The following AGBL4 variants were observed in gnomAD, a reference collection of about 807,000 sequenced individuals.
AGBL4 encodes AGBL carboxypeptidase 4.
In AGBL4, 58 loss-of-function variants were observed where a neutral mutation model predicts 66.4. The ratio of observed to expected loss-of-function variants is 0.87; its 90% CI spans 0.71 to 1.09. The LOEUF (loss-of-function observed/expected upper bound fraction) is 1.09, where lower values mean the gene tolerates loss of function less well. Ranked by LOEUF, AGBL4 falls within the 50% of genes least tolerant of loss-of-function variation. The pLI is 0.00. For synonymous variants in AGBL4, 234 were observed against 222.9 expected (o/e 1.05, Z -0.44); for missense variants, 579 against 631.0 (o/e 0.92, Z 0.88).
intron 3 of AGBL4, among the ~76,000 whole-genome samples, chr1:49,687,849 A>C (rs555603501): frequency 6.6e-6 from 1 of 152,304 alleles, no homozygotes; most frequent in South Asian, 2.1e-4. Flanking sequence ...TTGAAATAAT[A>C]AAGTACATAC....
intron 1 of AGBL4, among the ~76,000 whole-genome samples, chr1:49,906,251 A>G (rs1650263336): frequency 6.6e-6 from 1 of 151,968 alleles, no homozygotes; most frequent in South Asian, 2.1e-4. Flanking sequence ...CAGTTATTGT[A>G]CTTAAAAACA....
intron 6 of AGBL4, among the ~76,000 whole-genome samples, chr1:48,691,137 G>GAAAAAA (rs1646623594): frequency 8.1e-6 from 1 of 123,364 alleles, no homozygotes. Flanking sequence ...CAGCCTGGGC[G>GAAAAAA]ACAGAGTGAG....
At chr1:49,883,109 C>G (rs1647592451) in intron 1 of AGBL4, among the ~76,000 whole-genome samples, 1 of 152,020 alleles carries the variant, frequency 6.6e-6, no homozygotes, top group Non-Finnish European at 1.5e-5. Flanking sequence ...TAATTTTATC[C>G]AAAAATATCA....
In AGBL4 at chr1:48,996,131, C is replaced by T. The variant is rs148516492; in HGVS notation, c.594+49453G>A. 7.9e-5 allele frequency among the ~76,000 whole-genome samples: 12 copies of T among 152,186 alleles called. No individual in the cohort carries two copies. In the East Asian group the frequency reaches 2.3e-3, roughly 29 times the overall value. ...TAATGATAGCCCTCAGGTTTTTACCCAAATTCATTTGCTGTGATGAAAAAT... is the reference window on the plus strand; with the variant it reads ...TAATGATAGCCCTCAGGTTTTTACCTAAATTCATTTGCTGTGATGAAAAAT... On this transcript the variant is annotated intron_variant, in intron 5 of 13. Coordinates refer to ENST00000371839, the MANE Select transcript of AGBL4 (RefSeq NM_032785.4).
intron 4 of AGBL4, among the ~76,000 whole-genome samples, chr1:49,236,200 T>G (rs1044812731): frequency 4.2e-4 from 64 of 152,066 alleles, no homozygotes; most frequent in Non-Finnish European, 5.0e-4. Context: ...TGGCTAATTT[T>G]TTTTTGTATT....
intron 3 of AGBL4, among the ~76,000 whole-genome samples, chr1:49,659,868 T>G (rs1646232943): frequency 6.6e-6 from 1 of 152,158 alleles, no homozygotes; most frequent in Non-Finnish European, 1.5e-5. Context: ...TATTTGGAAG[T>G]AAATCACTCC....
intron 3 of AGBL4, among the ~76,000 whole-genome samples, chr1:49,543,669 G>A (rs1253704604): frequency 6.6e-6 from 1 of 152,058 alleles, no homozygotes; most frequent in Non-Finnish European, 1.5e-5. Context: ...CCTATAAAGG[G>A]CATTAGATTG....
chr1:49,909,415 G>A (rs1650599176), intron 1 of AGBL4, among the ~76,000 whole-genome samples: 1 of 152,128 alleles, frequency 6.6e-6, no homozygotes, highest in Non-Finnish European at 1.5e-5. Flanking sequence ...GTAGAAACCT[G>A]AAGAAAGTAA....
chr1:49,484,890 C>T (rs77959243), intron 3 of AGBL4, among the ~76,000 whole-genome samples: 1 of 151,712 alleles, frequency 6.6e-6, no homozygotes, highest in Non-Finnish European at 1.5e-5. Flanking sequence ...TATGTACCCA[C>T]AAAAGTTAAA....
intron 5 of AGBL4, among the ~76,000 whole-genome samples, chr1:49,023,218 G>A (rs1241118290): frequency 6.6e-6 from 1 of 152,130 alleles, no homozygotes; most frequent in African/African-American, 2.4e-5. Flanking sequence ...GTTCTACCTT[G>A]AGGCCTGGAG....
chr1:49,982,766 TGGAGAGGG>T (rs1364030354), intron 1 of AGBL4, among the ~76,000 whole-genome samples: 1 of 152,022 alleles, frequency 6.6e-6, no homozygotes, highest in African/African-American at 2.4e-5. Context: ...CAATCAGCTG[TGGAGAGGG>T]GCTACCCACT....
intron 5 of AGBL4, among the ~76,000 whole-genome samples, chr1:48,938,896 T>TA: frequency 6.6e-6 from 1 of 152,334 alleles, no homozygotes; most frequent in Middle Eastern, 3.4e-3. Flanking sequence ...ACTGAACACT[T>TA]ACCCTGTGCC....
At chr1:48,856,610 CA>C (rs1194915540) in intron 6 of AGBL4, among the ~76,000 whole-genome samples, 1 of 152,024 alleles carries the variant, frequency 6.6e-6, no homozygotes, top group Non-Finnish European at 1.5e-5. Flanking sequence ...GGGCTGAGTT[CA>C]AATCATAGGA....
intron 3 of AGBL4, among the ~76,000 whole-genome samples, chr1:49,287,554 G>T (rs1313269137): frequency 1.3e-4 from 20 of 151,914 alleles, no homozygotes; most frequent in Admixed American, 9.2e-4. Context: ...GTGGGCAAAG[G>T]ATATGAACAG....
At chr1:49,358,102 A>G (rs910880016) in intron 3 of AGBL4, among the ~76,000 whole-genome samples, 2 of 152,206 alleles carry the variant, frequency 1.3e-5, no homozygotes, top group Admixed American at 6.6e-5. Flanking sequence ...TGATGAATGT[A>G]TTAATTAAAC....
At chr1:49,140,208 A>G (rs1646091772) in intron 4 of AGBL4, among the ~76,000 whole-genome samples, 1 of 152,226 alleles carries the variant, frequency 6.6e-6, no homozygotes, top group Non-Finnish European at 1.5e-5. Flanking sequence ...TAAAACAATA[A>G]AAGTTAGGTA....
At chr1:49,199,992 G>A (rs918163366) in intron 4 of AGBL4, among the ~76,000 whole-genome samples, 9 of 152,168 alleles carry the variant, frequency 5.9e-5, no homozygotes, top group African/African-American at 1.9e-4. Context: ...GATATGACAA[G>A]CTCTGGTGAA....
chr1:49,699,471 C>T (rs528556866), intron 2 of AGBL4, among the ~76,000 whole-genome samples: 3 of 152,068 alleles, frequency 2.0e-5, no homozygotes, highest in East Asian at 3.9e-4. Context: ...AGAAAACAAA[C>T]ACAATCTAAA....
At chr1:48,730,151 C>T (rs373541459) in intron 6 of AGBL4, among the ~76,000 whole-genome samples, 8 of 152,268 alleles carry the variant, frequency 5.3e-5, no homozygotes, top group African/African-American at 1.4e-4. Context: ...TGTCAAAGCA[C>T]GAATCACAAT....
Sources: gnomAD v4.1 joint callset for allele counts (sites outside exome capture counted in the v4.1 genomes callset) on GRCh38, gnomAD v4.1.1 for gene constraint, MANE v1.5 for transcripts, NCBI Gene and HGNC (gene_info 2026-07-23, HGNC 2026-07-21) for gene names.